The following AHR variants were observed in gnomAD, a reference collection of about 807,000 sequenced individuals.
The protein encoded by AHR is aryl hydrocarbon receptor.
Under a neutral mutation model 86.8 loss-of-function variants are expected in AHR, and 40 were observed. The observed-to-expected ratio is 0.46, with a 90% CI of 0.36 to 0.60. The LOEUF (loss-of-function observed/expected upper bound fraction) is 0.60, where lower values mean the gene tolerates loss of function less well. Ranked by LOEUF, AHR falls within the 20% of genes least tolerant of loss-of-function variation. The probability of loss-of-function intolerance (pLI) is 0.00; values close to 1 mark genes in which losing one functional copy is unlikely to be tolerated. For synonymous variants in AHR, 398 were observed against 354.9 expected (o/e 1.12, Z -1.37); for missense variants, 1,001 against 1,011.6 (o/e 0.99, Z 0.14).
In AHR at chr7:17,343,223, A is replaced by T. The variant is rs1032561194; in HGVS notation, c.*159A>T. 128 of 866,282 alleles carry T rather than the reference A, an allele frequency of 1.5e-4. No homozygotes were observed. The African/African-American group carries it at 1.9e-3, about 13-fold the overall frequency. 53.7% of individuals were successfully genotyped at this position (866,282 alleles called of 1,614,324 possible). A position where few individuals can be genotyped will look rare whatever the true frequency, so the allele number is the denominator to read the frequency against. Reference sequence around the variant, plus strand: ...AAACCAAATTTTAATTTTTGCTTTTAGAAAAGGGAGTTTAAAAATGGTATC... The same window carrying T: ...AAACCAAATTTTAATTTTTGCTTTTTGAAAAGGGAGTTTAAAAATGGTATC... On this transcript the variant is annotated 3_prime_UTR_variant, in exon 11 of 11. Transcript: ENST00000242057.
intron 1 of AHR, among the ~76,000 whole-genome samples, chr7:17,303,804 T>C (rs948844607): frequency 1.3e-5 from 2 of 152,046 alleles, no homozygotes; most frequent in Non-Finnish European, 2.9e-5. Context: ...GTTTTAAGGT[T>C]GAACCAAATC....
chr7:17,330,096 A>C lies in AHR; in HGVS notation c.574+21A>C, dbSNP rs184127064. ...TGAAGGTAAGAATTGATGGTACAAA[A>C]AATAGTGTTGGTAGTTTTTAAATAT... On this transcript the variant is annotated intron_variant, in intron 5 of 10. Coordinates refer to ENST00000242057, the MANE Select transcript of AHR (RefSeq NM_001621.5). 4.9e-5 allele frequency: 78 copies of C among 1,604,824 alleles called. 1 individual carries two copies. In the East Asian group the frequency reaches 1.5e-3, roughly 32 times the overall value.
chr7:17,310,089 C>T lies in AHR; in HGVS notation c.219C>T (p.Ser73=), dbSNP rs761236007. 3.8e-5 allele frequency: 62 copies of T among 1,613,714 alleles called. No homozygotes were observed. Among genetic ancestry groups the T allele is most frequent in the Non-Finnish European group, 4.8e-5 (57 of 1,179,838 alleles). ...ACAAACTTTCAGTTCTTAGGCTCAG[C>T]GTCAGTTACCTGAGAGCCAAGAGCT... ...KLDKLSVLRL[S]VSYLRAKSFF... The change falls in exon 2 of 11, where the codon AGC becomes AGT. Residue 73 remains serine (S), a synonymous_variant. Transcript: ENST00000242057.
In AHR at chr7:17,322,487, C is replaced by T; in HGVS notation, c.254-14C>T. 3 of 1,551,886 alleles carry T rather than the reference C, an allele frequency of 1.9e-6. No homozygotes were observed. The highest frequency in any genetic ancestry group is 1.4e-5 in the African/African-American group (1 of 73,170). On this transcript the variant is annotated splice_polypyrimidine_tract_variant and intron_variant, in intron 2 of 10. Coordinates refer to ENST00000242057, the MANE Select transcript of AHR (RefSeq NM_001621.5). ...CTTACTTTTAAAATCATTGTTTTTC[C>T]TTTTTTTCCATAGTTGCATTAAAAT...
At chr7:17,321,457 G>T (rs1333894060) in intron 2 of AHR, among the ~76,000 whole-genome samples, 3 of 151,736 alleles carry the variant, frequency 2.0e-5, no homozygotes, top group Non-Finnish European at 4.4e-5. Context: ...GCCCAATTCT[G>T]TCAGTTACCA....
chr7:17,307,717 C>G (rs918043850), intron 1 of AHR, among the ~76,000 whole-genome samples: 2 of 152,110 alleles, frequency 1.3e-5, no homozygotes, highest in Admixed American at 1.3e-4. Flanking sequence ...AAAGAAGTTC[C>G]TGGCATCCCG....
intron 2 of AHR, among the ~76,000 whole-genome samples, chr7:17,318,972 T>C (rs1191333708): frequency 1.3e-5 from 2 of 152,108 alleles, no homozygotes; most frequent in African/African-American, 4.8e-5. Flanking sequence ...TTGAGTAGGC[T>C]GAGGAAGGGT....
At chr7:17,303,535 C>A (rs1438936954) in intron 1 of AHR, among the ~76,000 whole-genome samples, 2 of 152,044 alleles carry the variant, frequency 1.3e-5, no homozygotes, top group Non-Finnish European at 2.9e-5. Context: ...CTCTTAGAGT[C>A]TTTTCTCCTG....
In AHR at chr7:17,339,765, T is replaced by A. The variant is rs778805345; in HGVS notation, c.1940T>A (p.Val647Asp). 1 of 1,614,182 alleles carries A rather than the reference T, an allele frequency of 6.2e-7. No individual in the cohort carries two copies. Among genetic ancestry groups the A allele is most frequent in the Non-Finnish European group, 8.5e-7 (1 of 1,180,020 alleles). ...TGTCAGAAGATGAAGCACATGCAAGTTAATGGCATGTTTGAAAATTGGAAC... is the reference window on the plus strand; with the variant it reads ...TGTCAGAAGATGAAGCACATGCAAGATAATGGCATGTTTGAAAATTGGAAC... Reference protein sequence around the residue: ...QLCQKMKHMQVNGMFENWNSN... With the variant: ...QLCQKMKHMQDNGMFENWNSN... Residue 647 changes from valine to aspartate, a missense_variant, in exon 10 of 11, where the codon GTT becomes GAT. Around this residue, in one of 2 missense-constraint regions of AHR, gnomAD observed 607 missense variants for 543.1 expected, o/e 1.12. Coordinates refer to ENST00000242057, the MANE Select transcript of AHR (RefSeq NM_001621.5).
chr7:17,301,417 G>A (rs1286883952), intron 1 of AHR, among the ~76,000 whole-genome samples: 1 of 151,890 alleles, frequency 6.6e-6, no homozygotes, highest in Admixed American at 6.6e-5. Flanking sequence ...TGCCAACATT[G>A]GGGAAAATAG....
intron 2 of AHR, among the ~76,000 whole-genome samples, chr7:17,317,049 C>T (rs1197523442): frequency 6.8e-6 from 1 of 147,520 alleles, no homozygotes; most frequent in Non-Finnish European, 1.5e-5. Context: ...AAAATTGTTA[C>T]TGTTATGGAA....
Position 17,299,244 on chromosome 7 carries a change from C to A in AHR, c.-21C>A. 6.2e-7 allele frequency: 1 copy of A among 1,608,816 alleles called. No individual in the cohort carries two copies. Among genetic ancestry groups the A allele is most frequent in the East Asian group, 2.2e-5 (1 of 44,492 alleles). The stretch of plus-strand genomic sequence containing the variant: ...CGGCCGCCAGTGCCCGGGGAGTAGC[C>A]GCCGCCGTCGGCTGGGCACCATGAA... On this transcript the variant is annotated 5_prime_UTR_variant, in exon 1 of 11. Coordinates refer to ENST00000242057, the MANE Select transcript of AHR (RefSeq NM_001621.5).
At chr7:17,322,664 A>C in intron 3 of AHR, 57 bp downstream of exon 3, 4 of 1,152,620 alleles carry the variant, frequency 3.5e-6, no homozygotes, top group Non-Finnish European at 5.1e-6. Flanking sequence ...TGGAAAATGA[A>C]TTAATAAGTC....
At chr7:17,323,555 C>T (rs535824764) in intron 3 of AHR, among the ~76,000 whole-genome samples, 1 of 152,074 alleles carries the variant, frequency 6.6e-6, no homozygotes, top group Non-Finnish European at 1.5e-5. Context: ...AAGATGTGTG[C>T]CATGTGTGCT....
chr7:17,340,346 A>C, intron 10 of AHR, 118 bp downstream of exon 10: 1 of 1,341,062 alleles, frequency 7.5e-7, no homozygotes, highest in East Asian at 2.6e-5. Flanking sequence ...TCATGGAGAC[A>C]GCATTTTTTA....
chr7:17,338,359 A>G (rs1033245876), intron 9 of AHR, among the ~76,000 whole-genome samples: 1 of 150,548 alleles, frequency 6.6e-6, no homozygotes, highest in African/African-American at 2.4e-5. Context: ...TTATTTTTTT[A>G]TTATTATTAT....
Position 17,344,321 on chromosome 7 carries a change from A to C in AHR, c.*1257A>C, listed in dbSNP as rs1782459124. On this transcript the variant is annotated 3_prime_UTR_variant, in exon 11 of 11. Transcript: ENST00000242057. ...GTGAATTGAATGGTGCATTGTATAG[A>C]TATAATGAACAAAATTATTTGTAAG... is the stretch of plus-strand genomic sequence containing the variant. 6.5e-6 allele frequency: 1 copy of C among 152,742 alleles called. No individual in the cohort carries two copies. Among genetic ancestry groups the C allele is most frequent in the Non-Finnish European group, 1.5e-5 (1 of 68,024 alleles). The allele number at this position is 152,742 out of a possible 1,614,324, so 9.5% of individuals were successfully genotyped here. A position where few individuals can be genotyped will look rare whatever the true frequency, so the allele number is the denominator to read the frequency against.
chr7:17,299,398 C>T, intron 1 of AHR, 69 bp downstream of exon 1: 2 of 1,533,100 alleles, frequency 1.3e-6, no homozygotes, highest in South Asian at 1.2e-5. Flanking sequence ...GGAGGCAGCC[C>T]CACCCCGCCC....
At chr7:17,299,445 G>C (rs1041522545) in intron 1 of AHR, 116 bp downstream of exon 1, 8 of 1,180,238 alleles carry the variant, frequency 6.8e-6, no homozygotes, top group Admixed American at 4.8e-5. Flanking sequence ...GTCCATTCCC[G>C]GCACTGCCCG....
Sources: allele counts gnomAD v4.1 joint callset (sites outside exome capture counted in the v4.1 genomes callset), GRCh38; gene constraint gnomAD v4.1.1; regional missense constraint gnomAD v4.1.1; transcripts MANE v1.5; gene names NCBI Gene and HGNC (gene_info 2026-07-23, HGNC 2026-07-21).